RBL1: variants seen among roughly 807,000 people sequenced by gnomAD.
The protein encoded by RBL1 is RB transcriptional corepressor like 1.
RBL1 carries 82 observed loss-of-function variants against 123.0 expected under a neutral mutation model. The observed-to-expected ratio is 0.67, with a 90% CI of 0.56 to 0.80. RBL1 has a LOEUF of 0.80. Ranked by LOEUF, RBL1 falls within the 30% of genes least tolerant of loss-of-function variation. The probability of loss-of-function intolerance (pLI) is 0.00; values close to 1 mark genes in which losing one functional copy is unlikely to be tolerated. For synonymous variants in RBL1, 405 were observed against 441.3 expected (o/e 0.92, Z 1.03); for missense variants, 1,171 against 1,299.6 (o/e 0.90, Z 1.52).
chr20:37,064,297 C>T (rs1339029267), intron 7 of RBL1, among the ~76,000 whole-genome samples: 6 of 151,986 alleles, frequency 3.9e-5, no homozygotes, highest in African/African-American at 9.6e-5. Flanking sequence ...GCCACCACAC[C>T]GAGCTAATTT....
intron 1 of RBL1, among the ~76,000 whole-genome samples, chr20:37,089,653 G>C (rs957004179): frequency 3.4e-5 from 5 of 147,020 alleles, no homozygotes; most frequent in African/African-American, 1.3e-4. Flanking sequence ...CTTAAATCCT[G>C]TCTCTTAAAA....
intron 11 of RBL1, chr20:37,049,294 C>A: frequency 1.6e-6 from 1 of 621,818 alleles, no homozygotes. Flanking sequence ...AAAACCATCA[C>A]CCTCAAGGTT....
chr20:37,083,173 A>G (rs62206489), intron 2 of RBL1, among the ~76,000 whole-genome samples: 61 of 152,214 alleles, frequency 4.0e-4, no homozygotes, highest in Admixed American at 1.7e-3. Context: ...ACACTTAAAA[A>G]CGTTTTGCGG....
chr20:37,032,832 T>C lies in RBL1; in HGVS notation c.2215A>G (p.Met739Val), dbSNP rs1347859125. 1.9e-6 allele frequency: 3 copies of C among 1,613,920 alleles called. No homozygotes were observed. The highest frequency in any genetic ancestry group is 1.1e-5 in the South Asian group (1 of 91,080). The change falls in exon 16 of 22, where the codon ATG (methionine) becomes GTG (valine). Residue 739 changes from methionine (M) to valine (V), a missense_variant. Transcript: ENST00000373664. ...AGEITLIPLS[M>V]NTNQESKVKS... Reference sequence around the variant, plus strand: ...ACTTTGGACTCCTGATTTGTATTCATGGAAAGAGGTATCAGTGTGATCTCT... The same window carrying C: ...ACTTTGGACTCCTGATTTGTATTCACGGAAAGAGGTATCAGTGTGATCTCT...
rs1028530702 is a variant in RBL1 at position 37,032,689 on chromosome 20, C to T, written c.2358G>A (p.Gly786=). 1.2e-6 allele frequency: 2 copies of T among 1,613,982 alleles called. No homozygotes were observed. The highest frequency in any genetic ancestry group is 2.7e-5 in the African/African-American group (2 of 75,012). The change falls in exon 16 of 22, where the codon GGG becomes GGA. Residue 786 remains glycine, a synonymous_variant. Transcript: ENST00000373664. ...STGINRPKRT[G]SLALFYRKVY... ...CCTTTCTGTAAAATAGTGCTAAGGA[C>T]CCAGTTCTCTTTGGCCTGTTTATTC...
At chr20:37,052,019 T>C (rs2146279537) in intron 11 of RBL1, among the ~76,000 whole-genome samples, 1 of 151,814 alleles carries the variant, frequency 6.6e-6, no homozygotes, top group Non-Finnish European at 1.5e-5. Flanking sequence ...AACATTTTAT[T>C]TATTTATTTT....
chr20:37,014,085 CTTT>C (rs1184794374), intron 19 of RBL1, among the ~76,000 whole-genome samples: 17 of 136,270 alleles, frequency 1.2e-4, no homozygotes, highest in South Asian at 7.0e-4. Context: ...AACTTTCTCT[CTTT>C]TTTTTTTTTT....
At chr20:37,052,987 G>A (rs1175726808) in intron 11 of RBL1, among the ~76,000 whole-genome samples, 5 of 152,132 alleles carry the variant, frequency 3.3e-5, no homozygotes. Context: ...TCATCAAGAA[G>A]GCAGACAGCA....
chr20:37,026,191 C>T (rs1046782884), intron 16 of RBL1, among the ~76,000 whole-genome samples: 10 of 152,014 alleles, frequency 6.6e-5, no homozygotes, highest in Admixed American at 1.3e-4. Flanking sequence ...AATCACTATG[C>T]CCGAGGTCAG....
chr20:37,067,228 C>G lies in RBL1; in HGVS notation c.556+5G>C. ...AATGTAAGACCACTGAAAGTGTCAT[C>G]TTACCCTTAGTATAAACAAAAAGTG... is the stretch of plus-strand genomic sequence containing the variant. On this transcript the variant is annotated splice_donor_5th_base_variant and intron_variant, in intron 4 of 21. Coordinates refer to ENST00000373664, the MANE Select transcript of RBL1 (RefSeq NM_002895.5). The G allele has an allele frequency of 6.2e-7, 1 of 1,601,190 alleles. No homozygotes were observed. The highest frequency in any genetic ancestry group is 8.5e-7 in the Non-Finnish European group (1 of 1,175,414).
At chr20:37,001,946 ACCAAACCAAT>A (rs1413390374) in intron 21 of RBL1, among the ~76,000 whole-genome samples, 2 of 150,286 alleles carry the variant, frequency 1.3e-5, no homozygotes, top group African/African-American at 2.5e-5. Context: ...AAAAAAACAA[ACCAAACCAAT>A]CCAAACCAAA....
chr20:37,069,232 A>G (rs1177620166), intron 2 of RBL1, among the ~76,000 whole-genome samples: 45 of 151,750 alleles, frequency 3.0e-4, no homozygotes, highest in African/African-American at 9.7e-4. Context: ...CCAAAGTGCC[A>G]AGATTGCAGC....
At chr20:37,073,292 CA>C (rs562339644) in intron 2 of RBL1, among the ~76,000 whole-genome samples, 1 of 151,748 alleles carries the variant, frequency 6.6e-6, no homozygotes, top group Non-Finnish European at 1.5e-5. Context: ...TGTTTGAAAA[CA>C]AAAAAACCTT....
At chr20:37,017,150 A>G (rs2064269510) in intron 19 of RBL1, among the ~76,000 whole-genome samples, 2 of 152,206 alleles carry the variant, frequency 1.3e-5, no homozygotes, top group South Asian at 4.1e-4. Context: ...AGGTGGGCGG[A>G]TCACTTGAGC....
At chr20:37,036,905 G>A (rs1190905046) in intron 14 of RBL1, among the ~76,000 whole-genome samples, 11 of 152,124 alleles carry the variant, frequency 7.2e-5, no homozygotes, top group African/African-American at 2.7e-4. Flanking sequence ...GATTACAGGC[G>A]TGAGCCACTG....
chr20:37,012,641 T>G (rs1454907657), intron 19 of RBL1, among the ~76,000 whole-genome samples: 3 of 142,646 alleles, frequency 2.1e-5, no homozygotes, highest in African/African-American at 8.7e-5. Flanking sequence ...CCACCCCGTC[T>G]GGGAAGTGAG....
At chr20:37,060,720 C>T (rs150462806) in intron 9 of RBL1, among the ~76,000 whole-genome samples, 56 of 151,712 alleles carry the variant, frequency 3.7e-4, no homozygotes, top group African/African-American at 1.3e-3. Flanking sequence ...GAGGTGGAGG[C>T]TGCAGTGAGC....
At chr20:37,025,844 G>A (rs2064411356) in intron 16 of RBL1, among the ~76,000 whole-genome samples, 2 of 151,274 alleles carry the variant, frequency 1.3e-5, no homozygotes, top group Non-Finnish European at 2.9e-5. Flanking sequence ...CCAGGTTCAC[G>A]CCATTCTCCT....
At chr20:37,032,449 G>A (rs557932461) in intron 16 of RBL1, among the ~76,000 whole-genome samples, 4 of 152,144 alleles carry the variant, frequency 2.6e-5, no homozygotes, top group African/African-American at 9.6e-5. Context: ...TTCAGAATGG[G>A]AAGACGAAAA....
Sources: gnomAD v4.1 joint callset for allele counts (sites outside exome capture counted in the v4.1 genomes callset) on GRCh38, gnomAD v4.1.1 for gene constraint, MANE v1.5 for transcripts, NCBI Gene and HGNC (gene_info 2026-07-23, HGNC 2026-07-21) for gene names.